PARD3B: variants seen among roughly 807,000 people sequenced by gnomAD.
PARD3B encodes partitioning defective 3 homolog B.
A neutral mutation model predicts 130.2 loss-of-function variants in PARD3B; 103 were observed. That is an observed-to-expected ratio of 0.79 (90% CI 0.67 to 0.93). The LOEUF (loss-of-function observed/expected upper bound fraction) is 0.93, where lower values mean the gene tolerates loss of function less well. PARD3B is among the 40% of genes least tolerant of loss of function. The pLI is 0.00. For missense variants in PARD3B, 1,609 were observed against 1,499.2 expected (o/e 1.07, Z -1.21); for synonymous variants, 583 against 553.2 (o/e 1.05, Z -0.76).
intron 1 of PARD3B, among the ~76,000 whole-genome samples, chr2:204,657,951 G>A (rs899899653): frequency 6.6e-6 from 1 of 151,990 alleles, no homozygotes; most frequent in Non-Finnish European, 1.5e-5. Flanking sequence ...TAGTTTATGG[G>A]TGTTCAAGTA....
intron 22 of PARD3B, among the ~76,000 whole-genome samples, chr2:205,588,409 A>G (rs2054271766): frequency 6.6e-6 from 1 of 152,120 alleles, no homozygotes; most frequent in African/African-American, 2.4e-5. Context: ...TTTGTTATTC[A>G]TCCAGACCTG....
rs1200040166 is a variant in PARD3B, at chr2:205,473,700, A to G, written c.3045-26196A>G. On this transcript the variant is annotated intron_variant, in intron 20 of 22. Coordinates refer to ENST00000406610, the MANE Select transcript of PARD3B (RefSeq NM_001302769.2). This position sits in a 1 kb window ranked among gnomAD's most constrained non-coding sequence, Gnocchi z 4.9. ...TGTGTGTATGTATATATATATATAT[A>G]TATATATATACACACACACGTATAT... Among the ~76,000 whole-genome samples, 389 of 120,902 alleles carry G rather than the reference A, an allele frequency of 3.2e-3. 3 individuals carry two copies. The highest frequency in any genetic ancestry group is 0.015 in the African/African-American group (372 of 24,410). 79.3% of individuals were successfully genotyped at this position (120,902 alleles called of 152,430 possible). A position where few individuals can be genotyped will look rare whatever the true frequency, so the allele number is the denominator to read the frequency against.
Position 205,461,591 on chromosome 2 carries a change from G to A in PARD3B, c.3044+20919G>A, listed in dbSNP as rs1051818644. Among the ~76,000 whole-genome samples, 6 of 152,154 alleles carry A rather than the reference G, an allele frequency of 3.9e-5. No homozygotes were observed. The highest frequency in any genetic ancestry group is 1.4e-4 in the African/African-American group (6 of 41,430). Reference sequence around the variant, plus strand: ...TATCACTTATTTTCAGGGCTATGAGGTGCCTTATTAATGTGATAAATGTTT... The same window carrying A: ...TATCACTTATTTTCAGGGCTATGAGATGCCTTATTAATGTGATAAATGTTT... On this transcript the variant is annotated intron_variant, in intron 20 of 22. Transcript: ENST00000406610. This position sits in a 1 kb window ranked among gnomAD's most constrained non-coding sequence, Gnocchi z 4.3.
chr2:205,548,048 C>T (rs534346979), intron 21 of PARD3B, among the ~76,000 whole-genome samples: 2 of 152,272 alleles, frequency 1.3e-5, no homozygotes, highest in African/African-American at 4.8e-5. Context: ...TTGGTTTCTA[C>T]AATAAAACAT....
At chr2:205,166,437 C>G (rs2034824460) in intron 11 of PARD3B, among the ~76,000 whole-genome samples, 1 of 152,164 alleles carries the variant, frequency 6.6e-6, no homozygotes, top group African/African-American at 2.4e-5. Context: ...AAAGTACAGT[C>G]TGTTGTGCCT....
intron 2 of PARD3B, among the ~76,000 whole-genome samples, chr2:204,726,417 T>TG (rs764102917): frequency 1.1e-4 from 16 of 152,296 alleles, no homozygotes; most frequent in Non-Finnish European, 2.4e-4. Flanking sequence ...TCAAGGCCTT[T>TG]GGACTGAAAA....
chr2:204,918,546 C>G (rs1353679952), intron 2 of PARD3B, among the ~76,000 whole-genome samples: 1 of 148,574 alleles, frequency 6.7e-6, no homozygotes, highest in South Asian at 2.1e-4. Context: ...AGGAGAATGG[C>G]GTGAACCCGG....
At chr2:204,886,378 G>T (rs2046271913) in intron 2 of PARD3B, among the ~76,000 whole-genome samples, 1 of 152,142 alleles carries the variant, frequency 6.6e-6, no homozygotes, top group Non-Finnish European at 1.5e-5. Flanking sequence ...CAAGAAAGCT[G>T]TCACCATTGC....
At chr2:204,731,638 T>TAATA (rs2039512782) in intron 2 of PARD3B, among the ~76,000 whole-genome samples, 1 of 152,158 alleles carries the variant, frequency 6.6e-6, no homozygotes. Context: ...GAGACCTTAT[T>TAATA]AATAGAATCA....
chr2:205,214,673 A>G (rs2037821802), intron 15 of PARD3B, among the ~76,000 whole-genome samples: 1 of 152,080 alleles, frequency 6.6e-6, no homozygotes, highest in Non-Finnish European at 1.5e-5. Flanking sequence ...ATGCAAGTAC[A>G]ATCTATTTAC....
At chr2:205,326,361 C>G (rs2042939609) in intron 18 of PARD3B, among the ~76,000 whole-genome samples, 1 of 152,160 alleles carries the variant, frequency 6.6e-6, no homozygotes, top group Non-Finnish European at 1.5e-5. Context: ...ATTAGGGACA[C>G]AATTTGACAA....
chr2:205,615,304 CTTTTT>C (rs1192929182), intron 22 of PARD3B, 147 bp from the exon 23 acceptor site: 13 of 592,160 alleles, frequency 2.2e-5, no homozygotes. Context: ...CCCTTCTCTT[CTTTTT>C]AAGGGCACGT....
intron 1 of PARD3B, among the ~76,000 whole-genome samples, chr2:204,627,412 A>C (rs2034525041): frequency 6.6e-6 from 1 of 152,172 alleles, no homozygotes; most frequent in South Asian, 2.1e-4. Flanking sequence ...TACATATCTT[A>C]TGTGTACATT....
chr2:205,387,856 C>G (rs143589889), intron 18 of PARD3B, among the ~76,000 whole-genome samples: 2 of 152,126 alleles, frequency 1.3e-5, no homozygotes, highest in Non-Finnish European at 2.9e-5. Context: ...TGCTGGTGTT[C>G]CCTGCACCTT....
At chr2:205,559,430 G>A (rs1457378077) in intron 22 of PARD3B, among the ~76,000 whole-genome samples, 1 of 151,982 alleles carries the variant, frequency 6.6e-6, no homozygotes, top group African/African-American at 2.4e-5. Flanking sequence ...ATAGGCATGA[G>A]CCACTATACC....
chr2:205,512,332 A>G (rs2050618649), intron 21 of PARD3B, among the ~76,000 whole-genome samples: 2 of 152,224 alleles, frequency 1.3e-5, no homozygotes, highest in African/African-American at 4.8e-5. Flanking sequence ...TTACTTTAGT[A>G]AATGATCTAA....
Position 205,195,738 on chromosome 2 carries a change from C to T in PARD3B, c.2140+2418C>T, listed in dbSNP as rs764210345. 7.2e-5 allele frequency among the ~76,000 whole-genome samples: 11 copies of T among 151,828 alleles called. No homozygotes were observed. In the East Asian group the frequency reaches 7.7e-4, roughly 11 times the overall value. ...TAAAGCGTTTTAACATTCTTTAAAA[C>T]GTCTTAATAAGTAGCCTATTTAGGA... On this transcript the variant is annotated intron_variant, in intron 15 of 22. Coordinates refer to ENST00000406610, the MANE Select transcript of PARD3B (RefSeq NM_001302769.2).
At chr2:205,469,907 G>A (rs2048765683) in intron 20 of PARD3B, among the ~76,000 whole-genome samples, 1 of 152,212 alleles carries the variant, frequency 6.6e-6, no homozygotes, top group African/African-American at 2.4e-5. Flanking sequence ...ACGCATCCAC[G>A]AGTATACCTT....
rs77176596 is a variant in PARD3B at position 204,681,267 on chromosome 2, A to G, written c.121-4914A>G. Among the ~76,000 whole-genome samples, 194 of 152,318 alleles carry G rather than the reference A, an allele frequency of 1.3e-3. 1 individual carries two copies. Among genetic ancestry groups the G allele is most frequent in the Non-Finnish European group, 2.1e-3 (140 of 68,032 alleles). On this transcript the variant is annotated intron_variant, in intron 1 of 22. Transcript: ENST00000406610. ...ACCAACTTTCTTTTGATAGAATCAT[A>G]GATTTTTAGATCTGGAAGTAAATAT...
Sources: gnomAD v4.1 joint callset for allele counts (sites outside exome capture counted in the v4.1 genomes callset) on GRCh38, gnomAD v4.1.1 for gene constraint, Gnocchi (gnomAD v3.1) non-coding constraint, MANE v1.5 for transcripts, NCBI Gene and HGNC (gene_info 2026-07-23, HGNC 2026-07-21) for gene names.